The following ARHGEF28 variants were observed in gnomAD, a reference collection of about 807,000 sequenced individuals.
The protein encoded by ARHGEF28 is 190 kDa guanine nucleotide exchange factor.
Under a neutral mutation model 206.6 loss-of-function variants are expected in ARHGEF28, and 152 were observed. That is an observed-to-expected ratio of 0.74 (90% CI 0.64 to 0.84). The LOEUF (loss-of-function observed/expected upper bound fraction) is 0.84. ARHGEF28 is among the 40% of genes least tolerant of loss of function. The pLI, the probability that ARHGEF28 is intolerant of heterozygous loss-of-function variation, is 0.00. For missense variants in ARHGEF28, 2,028 were observed against 2,073.2 expected, an observed-to-expected ratio of 0.98 and a Z score of 0.42; for synonymous variants, 763 against 776.4, an observed-to-expected ratio of 0.98 and a Z score of 0.29.
intron 2 of ARHGEF28, among the ~76,000 whole-genome samples, chr5:73,714,184 A>G (rs1749430655): frequency 6.6e-6 from 1 of 152,176 alleles, no homozygotes; most frequent in Non-Finnish European, 1.5e-5. Context: ...AATTATCGTT[A>G]TTATCATCTT....
At chr5:73,852,938 A>G (rs1758794792) in intron 14 of ARHGEF28, among the ~76,000 whole-genome samples, 1 of 152,210 alleles carries the variant, frequency 6.6e-6, no homozygotes, top group Admixed American at 6.5e-5. Flanking sequence ...TTCAAAGCCA[A>G]ATACCCTCAA....
At chr5:73,843,986 A>T (rs540244188) in intron 11 of ARHGEF28, among the ~76,000 whole-genome samples, 2 of 152,268 alleles carry the variant, frequency 1.3e-5, no homozygotes, top group African/African-American at 2.4e-5. Flanking sequence ...TATTCTATAT[A>T]TTTTTTAAAA....
chr5:73,826,267 G>A (rs1756898655), intron 9 of ARHGEF28, among the ~76,000 whole-genome samples: 1 of 152,210 alleles, frequency 6.6e-6, no homozygotes, highest in South Asian at 2.1e-4. Context: ...TCAGCAGAGT[G>A]TTAGGAATTG....
chr5:73,686,684 AT>A (rs574505192), intron 2 of ARHGEF28, among the ~76,000 whole-genome samples: 6 of 150,390 alleles, frequency 4.0e-5, no homozygotes, highest in East Asian at 2.0e-4. Context: ...CGCCCGGCAA[AT>A]TTTTTTTTGT....
At chr5:73,728,544 C>T (rs147349186) in intron 2 of ARHGEF28, among the ~76,000 whole-genome samples, 91 of 152,246 alleles carry the variant, frequency 6.0e-4, no homozygotes, top group African/African-American at 2.1e-3. Flanking sequence ...TAACTTATCA[C>T]CTATAGTTAA....
chr5:73,702,690 T>G (rs766550413), intron 2 of ARHGEF28, among the ~76,000 whole-genome samples: 5 of 152,236 alleles, frequency 3.3e-5, no homozygotes, highest in Admixed American at 6.5e-5. Context: ...TCCCCGTTTT[T>G]GCCAACACTT....
chr5:73,797,966 C>T (rs761375406), intron 9 of ARHGEF28, among the ~76,000 whole-genome samples: 1 of 152,148 alleles, frequency 6.6e-6, no homozygotes, highest in Non-Finnish European at 1.5e-5. Context: ...ACTGAGGAAT[C>T]GGATTTTTAA....
intron 9 of ARHGEF28, among the ~76,000 whole-genome samples, chr5:73,796,857 C>T (rs576810901): frequency 3.3e-5 from 5 of 152,300 alleles, no homozygotes; most frequent in Admixed American, 1.3e-4. Context: ...CTGTTACTCA[C>T]GCACACAGGA....
intron 2 of ARHGEF28, among the ~76,000 whole-genome samples, chr5:73,728,707 G>T (rs963411581): frequency 6.6e-6 from 1 of 152,166 alleles, no homozygotes; most frequent in Non-Finnish European, 1.5e-5. Context: ...ACCCTGATGA[G>T]ATCAGCCATT....
chr5:73,913,347 A>ATGTG (rs1763014195), intron 35 of ARHGEF28, among the ~76,000 whole-genome samples: 1 of 151,674 alleles, frequency 6.6e-6, no homozygotes, highest in African/African-American at 2.4e-5. Flanking sequence ...AACCTTATTT[A>ATGTG]TGTTTACTTC....
intron 10 of ARHGEF28, among the ~76,000 whole-genome samples, chr5:73,834,427 G>C (rs1175205336): frequency 3.3e-5 from 5 of 152,086 alleles, no homozygotes; most frequent in Non-Finnish European, 5.9e-5. Flanking sequence ...GTCAGATCAT[G>C]CAGTATTTGT....
At chr5:73,795,522 C>A in intron 9 of ARHGEF28, 131 bp downstream of exon 9, 1 of 758,442 alleles carries the variant, frequency 1.3e-6, no homozygotes, top group Non-Finnish European at 2.2e-6. Context: ...GAAACGCATC[C>A]AGATAAATTT....
At chr5:73,750,916 G>A (rs1241936718) in intron 3 of ARHGEF28, among the ~76,000 whole-genome samples, 1 of 152,164 alleles carries the variant, frequency 6.6e-6, no homozygotes, top group Non-Finnish European at 1.5e-5. Flanking sequence ...TCTGCTACAC[G>A]TGGAAAGAAG....
intron 7 of ARHGEF28, among the ~76,000 whole-genome samples, chr5:73,783,741 G>A (rs1373672643): frequency 2.6e-5 from 4 of 152,174 alleles, no homozygotes; most frequent in Non-Finnish European, 5.9e-5. Flanking sequence ...GTAGCACTGG[G>A]TGGGATGGGC....
chr5:73,753,271 C>T (rs1405931787), intron 4 of ARHGEF28, 69 bp downstream of exon 4: 2 of 1,437,400 alleles, frequency 1.4e-6, no homozygotes, highest in East Asian at 4.9e-5. Flanking sequence ...TTATGCTATA[C>T]TGTGTGTTCC....
At chr5:73,869,014 A>G (rs1759893563) in intron 20 of ARHGEF28, among the ~76,000 whole-genome samples, 2 of 152,146 alleles carry the variant, frequency 1.3e-5, no homozygotes, top group South Asian at 4.1e-4. Flanking sequence ...TTTTGTATAC[A>G]AGCAGCACCA....
chr5:73,720,642 A>G (rs1749884887), intron 2 of ARHGEF28, among the ~76,000 whole-genome samples: 1 of 152,154 alleles, frequency 6.6e-6, no homozygotes, highest in East Asian at 1.9e-4. Context: ...GAAAAGAGAA[A>G]TGTCCTCCTC....
intron 35 of ARHGEF28, among the ~76,000 whole-genome samples, chr5:73,928,528 T>C (rs568521651): frequency 9.2e-5 from 14 of 152,214 alleles, no homozygotes; most frequent in African/African-American, 3.4e-4. Context: ...TTAGCTTGGG[T>C]GTGTTAGGTT....
intron 4 of ARHGEF28, among the ~76,000 whole-genome samples, chr5:73,760,989 C>T (rs1390602108): frequency 6.6e-6 from 1 of 152,130 alleles, no homozygotes; most frequent in Non-Finnish European, 1.5e-5. Flanking sequence ...GGAAATAGAA[C>T]GTAGAGTTGG....
Sources: allele counts gnomAD v4.1 joint callset (sites outside exome capture counted in the v4.1 genomes callset), GRCh38; gene constraint gnomAD v4.1.1; transcripts MANE v1.5; gene names NCBI Gene and HGNC (gene_info 2026-07-23, HGNC 2026-07-21).